The following FBN1 variants were observed in gnomAD, a reference collection of about 807,000 sequenced individuals.
FBN1 encodes the protein fibrillin 1, also known as fibrillin-1.
FBN1 carries 29 observed loss-of-function variants against 365.1 expected under a neutral mutation model. That is an observed-to-expected ratio of 0.08 (90% CI 0.06 to 0.11). The LOEUF (loss-of-function observed/expected upper bound fraction) is 0.11, where lower values mean the gene tolerates loss of function less well. Ranked by LOEUF, FBN1 falls within the 10% of genes least tolerant of loss-of-function variation. FBN1 has a pLI of 1.00. For synonymous variants in FBN1, 1,210 were observed against 1,270.5 expected, an observed-to-expected ratio of 0.95 and a Z score of 1.01; for missense variants, 2,476 against 3,703.2, an observed-to-expected ratio of 0.67 and a Z score of 8.60.
chr15:48,610,410 C>A (rs542972934), intron 4 of FBN1, among the ~76,000 whole-genome samples: 1 of 152,236 alleles, frequency 6.6e-6, no homozygotes, highest in Non-Finnish European at 1.5e-5. Flanking sequence ...ATTAAACAAC[C>A]ATTTCATTGA....
intron 2 of FBN1, among the ~76,000 whole-genome samples, chr15:48,640,678 A>G (rs968301501): frequency 6.6e-6 from 1 of 152,224 alleles, no homozygotes; most frequent in African/African-American, 2.4e-5. Flanking sequence ...CAAGGGGACA[A>G]ATTGTGTCAA....
chr15:48,606,654 C>T (rs2044613735), intron 4 of FBN1, among the ~76,000 whole-genome samples: 1 of 152,148 alleles, frequency 6.6e-6, no homozygotes, highest in African/African-American at 2.4e-5. Flanking sequence ...AAATGTTCTG[C>T]ATCTTAACTG....
intron 2 of FBN1, among the ~76,000 whole-genome samples, chr15:48,623,167 A>G (rs1431336538): frequency 6.6e-6 from 1 of 152,246 alleles, no homozygotes; most frequent in Non-Finnish European, 1.5e-5. Flanking sequence ...GACTAAAGGC[A>G]ATAGTGAGTA....
chr15:48,437,706 C>A (rs948357389), intron 51 of FBN1, 62 bp downstream of exon 51: 1 of 1,566,622 alleles, frequency 6.4e-7, no homozygotes, highest in Non-Finnish European at 8.8e-7. Flanking sequence ...TACAGTCTTA[C>A]TTACATCATG....
chr15:48,629,259 G>A (rs904323845), intron 2 of FBN1, among the ~76,000 whole-genome samples: 1 of 152,160 alleles, frequency 6.6e-6, no homozygotes, highest in Non-Finnish European at 1.5e-5. Context: ...ATCTCATCAT[G>A]GACCAGTAAC....
chr15:48,520,919 G>A, intron 9 of FBN1, 102 bp from the exon 10 acceptor site: 8 of 1,503,694 alleles, frequency 5.3e-6, no homozygotes, highest in Non-Finnish European at 7.3e-6. Context: ...TGGGGCTACG[G>A]CAGGATTAAC....
chr15:48,579,397 C>T (rs1174581446), intron 6 of FBN1, among the ~76,000 whole-genome samples: 3 of 152,066 alleles, frequency 2.0e-5, no homozygotes, highest in African/African-American at 7.2e-5. Flanking sequence ...TAATAATGGC[C>T]ATTATTTTTC....
intron 34 of FBN1, among the ~76,000 whole-genome samples, 154 bp from the exon 35 acceptor site, chr15:48,472,830 A>T (rs2043388941): frequency 6.6e-6 from 1 of 152,256 alleles, no homozygotes; most frequent in Non-Finnish European, 1.5e-5. Context: ...GCTAACACTG[A>T]ATATGAAATT....
intron 60 of FBN1, among the ~76,000 whole-genome samples, chr15:48,423,697 C>A (rs759860235): frequency 3.9e-5 from 6 of 152,228 alleles, no homozygotes; most frequent in Non-Finnish European, 5.9e-5. Context: ...CCATCTCTCA[C>A]TGGGGATGTG....
Position 48,622,616 on chromosome 15 carries a change from A to G in FBN1, c.165-9524T>C, listed in dbSNP as rs146564088. Among the ~76,000 whole-genome samples the G allele has an allele frequency of 1.2e-3, 181 of 152,140 alleles. 1 individual carries two copies. Among genetic ancestry groups the G allele is most frequent in the African/African-American group, 4.2e-3 (175 of 41,494 alleles). On this transcript the variant is annotated intron_variant, in intron 2 of 65. Coordinates refer to ENST00000316623, the MANE Select transcript of FBN1 (RefSeq NM_000138.5). ...TATGGGTAAGTATCTTTTCATATTC[A>G]CCGTGCTTATTTCTATTCCCCTACA...
intron 6 of FBN1, among the ~76,000 whole-genome samples, chr15:48,562,960 A>G (rs1021969595): frequency 6.6e-6 from 1 of 152,188 alleles, no homozygotes; most frequent in Admixed American, 6.5e-5. Context: ...GTTTTTATCT[A>G]TTTGTAAAGT....
intron 4 of FBN1, among the ~76,000 whole-genome samples, chr15:48,607,639 T>A (rs942292490): frequency 2.6e-5 from 4 of 151,936 alleles, no homozygotes; most frequent in African/African-American, 4.8e-5. Flanking sequence ...GCTGGCCTCT[T>A]GATCTTGGAC....
chr15:48,526,871 G>A lies in FBN1; in HGVS notation c.863-616C>T, dbSNP rs143413858. The stretch of plus-strand genomic sequence containing the variant: ...AGAGGGACTTGCTGCCCAGGAGGCT[G>A]GGAATACTGTCAACACACGGTCTTT... On this transcript the variant is annotated intron_variant, in intron 8 of 65. Coordinates refer to ENST00000316623, the MANE Select transcript of FBN1 (RefSeq NM_000138.5). Among the ~76,000 whole-genome samples, 290 of 152,292 alleles carry A rather than the reference G, an allele frequency of 1.9e-3. 1 individual carries two copies. The highest frequency in any genetic ancestry group is 3.1e-3 in the Non-Finnish European group (212 of 68,026).
intron 63 of FBN1, among the ~76,000 whole-genome samples, chr15:48,417,704 T>C (rs547759803): frequency 6.6e-6 from 1 of 152,286 alleles, no homozygotes; most frequent in South Asian, 2.1e-4. Flanking sequence ...GTGTTCTTTC[T>C]CCTTATTTTA....
At chr15:48,568,049 G>GA (rs369157930) in intron 6 of FBN1, among the ~76,000 whole-genome samples, 4,073 of 39,024 alleles carry the variant, frequency 0.1, 119 homozygotes, top group East Asian at 0.21. Flanking sequence ...AAGAAAGAAA[G>GA]AAGAAAGAAA....
chr15:48,613,237 T>C (rs1054742446), intron 2 of FBN1, 145 bp from the exon 3 acceptor site: 4 of 690,164 alleles, frequency 5.8e-6, no homozygotes, highest in Non-Finnish European at 1.0e-5. Flanking sequence ...GACTCAATGC[T>C]GGGTTGGTAG....
At chr15:48,476,108 G>A (rs1681133547) in intron 32 of FBN1, among the ~76,000 whole-genome samples, 1 of 152,156 alleles carries the variant, frequency 6.6e-6, no homozygotes, top group African/African-American at 2.4e-5. Context: ...GAAATGAGGA[G>A]GAAGGCCAAT....
chr15:48,474,707 T>C (rs2043406209), intron 32 of FBN1, 57 bp from the exon 33 acceptor site: 1 of 1,611,326 alleles, frequency 6.2e-7, no homozygotes, highest in South Asian at 1.1e-5. Flanking sequence ...TTTTGGTTTT[T>C]AAAATAAGTA....
chr15:48,460,893 C>G (rs1195084466), intron 42 of FBN1, among the ~76,000 whole-genome samples: 2 of 152,122 alleles, frequency 1.3e-5, no homozygotes, highest in African/African-American at 4.8e-5. Flanking sequence ...CTCTCTCTGT[C>G]TTTCTCTCAC....
Sources: gnomAD v4.1 joint callset for allele counts (sites outside exome capture counted in the v4.1 genomes callset) on GRCh38, gnomAD v4.1.1 for gene constraint, MANE v1.5 for transcripts, NCBI Gene and HGNC (gene_info 2026-07-23, HGNC 2026-07-21) for gene names.